NCKAP5: variants seen among roughly 807,000 people sequenced by gnomAD.
NCKAP5 encodes nck-associated protein 5.
Under a neutral mutation model 167.0 loss-of-function variants are expected in NCKAP5, and 92 were observed. The observed-to-expected ratio is 0.55, with a 90% confidence interval of 0.47 to 0.66. NCKAP5 has a LOEUF of 0.66. Ranked by LOEUF, NCKAP5 falls within the 30% of genes least tolerant of loss-of-function variation. The pLI, the probability that NCKAP5 is intolerant of heterozygous loss-of-function variation, is 0.00. For synonymous variants in NCKAP5, 891 were observed against 877.4 expected (o/e 1.02, Z -0.27); for missense variants, 2,378 against 2,315.0 (o/e 1.03, Z -0.56).
chr2:133,610,672 G>A, the NCKAP5 span, among the ~76,000 whole-genome samples: 1 of 151,936 alleles, frequency 6.6e-6, no homozygotes, highest in Non-Finnish European at 1.5e-5. Flanking sequence ...TTATTCCACT[G>A]GTTAAAAGTT....
intron 8 of NCKAP5, among the ~76,000 whole-genome samples, chr2:132,879,964 G>C (rs1437641677): frequency 6.6e-6 from 1 of 152,058 alleles, no homozygotes; most frequent in Admixed American, 6.5e-5. Context: ...AATACTATTT[G>C]GCCATAAAAA....
At chr2:133,498,856 C>G (rs1259184603) in intron 3 of NCKAP5, among the ~76,000 whole-genome samples, 1 of 152,174 alleles carries the variant, frequency 6.6e-6, no homozygotes, top group African/African-American at 2.4e-5. Flanking sequence ...GGCAGTTTGA[C>G]ACAATTACCT....
intron 3 of NCKAP5, among the ~76,000 whole-genome samples, chr2:133,351,355 T>C (rs1407981094): frequency 6.6e-6 from 1 of 152,110 alleles, no homozygotes; most frequent in Non-Finnish European, 1.5e-5. Flanking sequence ...ACTTGTAAAC[T>C]GAGGACATTT....
intron 15 of NCKAP5, among the ~76,000 whole-genome samples, chr2:132,777,510 GA>G: frequency 6.6e-6 from 1 of 151,984 alleles, no homozygotes; most frequent in African/African-American, 2.4e-5. Flanking sequence ...GGCTTCCCAA[GA>G]AACCAACATT....
At chr2:133,110,170 G>C (rs887198969) in intron 6 of NCKAP5, among the ~76,000 whole-genome samples, 5 of 152,128 alleles carry the variant, frequency 3.3e-5, no homozygotes, top group Admixed American at 3.3e-4. Context: ...TCCTTTTGCG[G>C]GTTCCTGCAA....
At chr2:133,059,004 A>G (rs975789884) in intron 6 of NCKAP5, among the ~76,000 whole-genome samples, 1 of 152,248 alleles carries the variant, frequency 6.6e-6, no homozygotes, top group African/African-American at 2.4e-5. Context: ...ACCAGTAAAA[A>G]TATTCTGATA....
At chr2:132,879,738 C>T (rs74660400) in intron 8 of NCKAP5, among the ~76,000 whole-genome samples, 3,662 of 152,284 alleles carry the variant, frequency 0.024, 161 homozygotes, top group African/African-American at 0.083. Context: ...CTTGGCTCTA[C>T]GTGCCCCTTC....
intron 3 of NCKAP5, among the ~76,000 whole-genome samples, chr2:133,338,762 C>T (rs1003837197): frequency 6.6e-6 from 1 of 152,142 alleles, no homozygotes; most frequent in Non-Finnish European, 1.5e-5. Flanking sequence ...AATCCTAGCA[C>T]TTTGGGAGGT....
intron 6 of NCKAP5, among the ~76,000 whole-genome samples, chr2:133,098,736 C>A (rs1031674501): frequency 1.3e-5 from 2 of 152,112 alleles, no homozygotes; most frequent in African/African-American, 4.8e-5. Context: ...ATATTCATAA[C>A]AATTTCCTTT....
chr2:133,027,396 T>C (rs1189433673), intron 6 of NCKAP5, among the ~76,000 whole-genome samples: 1 of 152,232 alleles, frequency 6.6e-6, no homozygotes, highest in African/African-American at 2.4e-5. Context: ...TTTGCATGTA[T>C]TAACTCATAT....
At chr2:133,244,069 T>C (rs967602091) in intron 4 of NCKAP5, among the ~76,000 whole-genome samples, 20 of 152,224 alleles carry the variant, frequency 1.3e-4, no homozygotes, top group African/African-American at 4.6e-4. Flanking sequence ...TTCAATCCTA[T>C]CCCATTCAAA....
At chr2:132,989,227 T>C (rs2077383446) in intron 7 of NCKAP5, among the ~76,000 whole-genome samples, 2 of 152,244 alleles carry the variant, frequency 1.3e-5, no homozygotes, top group East Asian at 1.9e-4. Flanking sequence ...GGCAGATGAA[T>C]GTGATGGAAT....
At chr2:133,162,390 G>A (rs6744536) in intron 5 of NCKAP5, among the ~76,000 whole-genome samples, 21,395 of 152,140 alleles carry the variant, frequency 0.14, 1,673 homozygotes, top group East Asian at 0.38. Flanking sequence ...TACAAGAGTT[G>A]TAGCATCTTA....
intron 4 of NCKAP5, among the ~76,000 whole-genome samples, chr2:133,247,884 AT>A (rs1277593175): frequency 6.6e-6 from 1 of 152,112 alleles, no homozygotes; most frequent in Non-Finnish European, 1.5e-5. Flanking sequence ...ACCCTAAAGT[AT>A]TTTCATATGT....
At chr2:132,844,967 A>G (rs1688556445) in intron 11 of NCKAP5, among the ~76,000 whole-genome samples, 1 of 152,146 alleles carries the variant, frequency 6.6e-6, no homozygotes, top group African/African-American at 2.4e-5. Flanking sequence ...AATGTATTAT[A>G]AAGTCTTATA....
At chr2:133,658,864 C>T in the NCKAP5 span, among the ~76,000 whole-genome samples, 1 of 151,744 alleles carries the variant, frequency 6.6e-6, no homozygotes, top group Non-Finnish European at 1.5e-5. Flanking sequence ...CCTTGCAACC[C>T]GAAATACTGA....
intron 5 of NCKAP5, among the ~76,000 whole-genome samples, chr2:133,168,908 T>C (rs2084119698): frequency 6.6e-6 from 1 of 152,152 alleles, no homozygotes; most frequent in Admixed American, 6.5e-5. Context: ...CTTTGAACCA[T>C]AGACAGCATT....
intron 5 of NCKAP5, among the ~76,000 whole-genome samples, chr2:133,155,092 T>C (rs1438621077): frequency 1.3e-5 from 2 of 152,194 alleles, no homozygotes; most frequent in Admixed American, 6.5e-5. Flanking sequence ...TTCCACTTGC[T>C]TTTCCTGACC....
intron 4 of NCKAP5, among the ~76,000 whole-genome samples, chr2:133,294,748 T>G (rs1679841971): frequency 6.6e-6 from 1 of 152,198 alleles, no homozygotes; most frequent in Non-Finnish European, 1.5e-5. Context: ...GAAAGCAAAG[T>G]TTTTACCCAA....
Sources: gnomAD v4.1 joint callset for allele counts (sites outside exome capture counted in the v4.1 genomes callset) on GRCh38, gnomAD v4.1.1 for gene constraint, MANE v1.5 for transcripts, NCBI Gene and HGNC (gene_info 2026-07-23, HGNC 2026-07-21) for gene names.